Variants in NSMCE2 observed in about 807,000 individuals in gnomAD.
NSMCE2 encodes the protein NSE2 SUMO ligase component of SMC5/6 complex.
A neutral mutation model predicts 23.8 loss-of-function variants in NSMCE2; 24 were observed. That is an observed-to-expected ratio of 1.01 (90% confidence interval 0.73 to 1.42). The LOEUF is 1.42. NSMCE2 is among the 40% of genes most tolerant of loss of function. The pLI is 0.00. For synonymous variants in NSMCE2, 92 were observed against 94.1 expected (o/e 0.98, Z 0.13); for missense variants, 284 against 296.5 (o/e 0.96, Z 0.31).
chr8:125,280,309 G>C (rs1443184670), intron 5 of NSMCE2, among the ~76,000 whole-genome samples: 3 of 152,310 alleles, frequency 2.0e-5, no homozygotes, highest in African/African-American at 7.2e-5. Context: ...TACATCCTCA[G>C]AGAGAGATTC....
chr8:125,215,666 A>G (rs553864450), intron 5 of NSMCE2, among the ~76,000 whole-genome samples: 22 of 152,252 alleles, frequency 1.4e-4, no homozygotes, highest in Non-Finnish European at 2.2e-4. Context: ...TTATGGTTTT[A>G]GGTCTAACGT....
At position 125,366,833 on chromosome 8, in the gene NSMCE2, T is replaced by G; in HGVS notation, c.692T>G (p.Leu231Arg). ...TCAGATCTTATCCAGGATGAAGCAC[T>G]TAGAAGGGCAATTGAGAACCATAAC... is the stretch of plus-strand genomic sequence containing the variant. ...RKSDLIQDEA[L>R]RRAIENHNKK... Residue 231 changes from leucine to arginine, a missense_variant, in exon 8 of 8, where the codon CTT becomes CGT. Leu to Arg is a moderately radical substitution (Grantham distance 102, BLOSUM62 -2). This residue lies in a region of NSMCE2 where 102 missense variants were observed against 141.0 expected (regional missense o/e 0.72). Coordinates refer to ENST00000287437, the MANE Select transcript of NSMCE2 (RefSeq NM_173685.4). 6.2e-7 allele frequency: 1 copy of G among 1,613,666 alleles called. No homozygotes were observed. Among genetic ancestry groups the G allele is most frequent in the South Asian group, 1.1e-5 (1 of 91,074 alleles).
chr8:125,182,318 A>G, intron 5 of NSMCE2, 62 bp downstream of exon 5: 1 of 1,232,226 alleles, frequency 8.1e-7, no homozygotes, highest in Non-Finnish European at 1.2e-6. Flanking sequence ...CTTGATGAAC[A>G]GCCCCAGTTA....
At chr8:125,269,459 A>G (rs185923757) in intron 5 of NSMCE2, among the ~76,000 whole-genome samples, 177 of 152,314 alleles carry the variant, frequency 1.2e-3, no homozygotes, top group African/African-American at 4.0e-3. Context: ...TTAACTTTGT[A>G]TCTATGGAGC....
chr8:125,165,684 T>C (rs894221471), intron 4 of NSMCE2, among the ~76,000 whole-genome samples: 2 of 152,246 alleles, frequency 1.3e-5, no homozygotes, highest in African/African-American at 4.8e-5. Context: ...TTCAGAAGTA[T>C]TCTATATGTT....
At chr8:125,212,883 G>C (rs1016268821) in intron 5 of NSMCE2, among the ~76,000 whole-genome samples, 6 of 152,196 alleles carry the variant, frequency 3.9e-5, no homozygotes, top group Non-Finnish European at 7.4e-5. Flanking sequence ...ACCTTTTTCT[G>C]ATTCATCTGC....
At chr8:125,203,835 A>G (rs545353194) in intron 5 of NSMCE2, among the ~76,000 whole-genome samples, 1 of 152,332 alleles carries the variant, frequency 6.6e-6, no homozygotes, top group East Asian at 1.9e-4. Context: ...TTTCCAAAGT[A>G]AACATAGTCA....
intron 5 of NSMCE2, among the ~76,000 whole-genome samples, chr8:125,274,241 A>G (rs1225748777): frequency 1.3e-5 from 2 of 152,334 alleles, no homozygotes; most frequent in Non-Finnish European, 2.9e-5. Flanking sequence ...TGAAAAATAC[A>G]GAAAATGAAA....
rs537059763 is a variant in NSMCE2, at chr8:125,185,849, T to G, written c.418+3593T>G. On this transcript the variant is annotated intron_variant, in intron 5 of 7. Coordinates refer to ENST00000287437, the MANE Select transcript of NSMCE2 (RefSeq NM_173685.4). ...TTACATTTTTGTCAATCTCTTCAAT[T>G]TTTGGCTTATTTAAATAGAAGGTAA... Among the ~76,000 whole-genome samples, 11 of 152,314 alleles carry G rather than the reference T, an allele frequency of 7.2e-5. No individual in the cohort carries two copies. In the South Asian group the frequency reaches 2.3e-3, roughly 32 times the overall value.
chr8:125,130,401 A>G (rs1160381307), intron 3 of NSMCE2: 3 of 378,084 alleles, frequency 7.9e-6, no homozygotes, highest in African/African-American at 6.3e-5. Flanking sequence ...TTTGGAAGCA[A>G]GTAGCTCGCT....
intron 5 of NSMCE2, among the ~76,000 whole-genome samples, chr8:125,240,993 A>G (rs963772019): frequency 6.6e-6 from 1 of 152,154 alleles, no homozygotes; most frequent in African/African-American, 2.4e-5. Flanking sequence ...CAGGTTGAGT[A>G]TCCCTTATCC....
chr8:125,300,430 A>G (rs192642727), intron 5 of NSMCE2, among the ~76,000 whole-genome samples: 267 of 152,130 alleles, frequency 1.8e-3, no homozygotes, highest in Non-Finnish European at 2.9e-3. Flanking sequence ...CCCAAAGTGC[A>G]GGGATTACAG....
chr8:125,246,245 G>A (rs531519774), intron 5 of NSMCE2, among the ~76,000 whole-genome samples: 3 of 150,010 alleles, frequency 2.0e-5, no homozygotes, highest in Non-Finnish European at 3.0e-5. Flanking sequence ...GTGCAATGTC[G>A]CAATCTCGGC....
intron 3 of NSMCE2, among the ~76,000 whole-genome samples, chr8:125,118,845 G>T (rs931242291): frequency 6.6e-6 from 1 of 152,124 alleles, no homozygotes; most frequent in Non-Finnish European, 1.5e-5. Flanking sequence ...ACCAGTGATT[G>T]ATGCAGATCC....
intron 5 of NSMCE2, among the ~76,000 whole-genome samples, chr8:125,329,502 T>C (rs750705923): frequency 6.6e-6 from 1 of 152,208 alleles, no homozygotes; most frequent in Non-Finnish European, 1.5e-5. Context: ...GTTAGGTGTT[T>C]ATGTTGATGT....
At chr8:125,169,482 C>T (rs1034469888) in intron 4 of NSMCE2, among the ~76,000 whole-genome samples, 1 of 152,198 alleles carries the variant, frequency 6.6e-6, no homozygotes, top group African/African-American at 2.4e-5. Context: ...TCTGTAACTT[C>T]GTAAATGGTA....
chr8:125,332,615 T>A (rs910427044), intron 5 of NSMCE2, among the ~76,000 whole-genome samples: 2 of 152,250 alleles, frequency 1.3e-5, no homozygotes, highest in Admixed American at 1.3e-4. Context: ...TCATTGAATA[T>A]TTAAGCTCTA....
intron 3 of NSMCE2, among the ~76,000 whole-genome samples, chr8:125,107,249 C>T (rs895562780): frequency 4.2e-5 from 6 of 142,072 alleles, no homozygotes; most frequent in Non-Finnish European, 9.0e-5. Context: ...TGCAGTGGCA[C>T]GATCTTGGCT....
At chr8:125,317,691 G>A (rs1337052045) in intron 5 of NSMCE2, among the ~76,000 whole-genome samples, 2 of 152,182 alleles carry the variant, frequency 1.3e-5, no homozygotes, top group African/African-American at 4.8e-5. Context: ...CCAGGTTACA[G>A]GGGAGAAAAG....
Sources: allele counts gnomAD v4.1 joint callset (sites outside exome capture counted in the v4.1 genomes callset), GRCh38; gene constraint gnomAD v4.1.1; regional missense constraint gnomAD v4.1.1; transcripts MANE v1.5; gene names NCBI Gene and HGNC (gene_info 2026-07-23, HGNC 2026-07-21).